The following PTPN23 variants were observed in gnomAD, a reference collection of about 807,000 sequenced individuals.
PTPN23 encodes the protein tyrosine-protein phosphatase non-receptor type 23.
A neutral mutation model predicts 156.3 loss-of-function variants in PTPN23; 72 were observed. The observed-to-expected ratio is 0.46, with a 90% CI of 0.38 to 0.56. The LOEUF (loss-of-function observed/expected upper bound fraction) is 0.56, where lower values mean the gene tolerates loss of function less well. PTPN23 is among the 20% of genes least tolerant of loss of function. The pLI is 0.00. For missense variants in PTPN23, 1,974 were observed against 2,171.5 expected (o/e 0.91, Z 1.81); for synonymous variants, 957 against 899.6 (o/e 1.06, Z -1.14).
Position 47,412,764 on chromosome 3 carries a change from C to T in PTPN23, c.4490C>T (p.Ser1497Phe). 1 of 1,611,850 alleles carries T rather than the reference C, an allele frequency of 6.2e-7. No homozygotes were observed. Among genetic ancestry groups the T allele is most frequent in the Non-Finnish European group, 8.5e-7 (1 of 1,178,882 alleles). The change falls in exon 25 of 25, where the codon TCC becomes TTC. Residue 1497 changes from serine to phenylalanine, a missense_variant. Around this residue, in one of 4 missense-constraint regions of PTPN23, gnomAD observed 484 missense variants for 516.0 expected, o/e 0.94. Transcript: ENST00000265562. ...LVLGGDVPIS[S>F]IQATIAKLSI... ...CTCGGTGGGGATGTGCCCATCAGCT[C>T]CATCCAGGCCACCATTGCCAAGCTC...
At position 47,406,019 on chromosome 3, in the gene PTPN23, C is replaced by T. The variant is rs755033666; in HGVS notation, c.519C>T (p.Ile173=). 2 of 1,613,396 alleles carry T rather than the reference C, an allele frequency of 1.2e-6. No individual in the cohort carries two copies. The highest frequency in any genetic ancestry group is 2.2e-5 in the South Asian group (2 of 90,982). ...ACAGCGTCGACATGAGCCGCCAGAT[C>T]CTTACGCTCAACGTCAACCTCATGC... ...QAYSVDMSRQ[I]LTLNVNLMLG... is the part of the protein sequence containing the mutation. The change falls in exon 6 of 25, where the codon ATC becomes ATT. Residue 173 remains isoleucine (I), a synonymous_variant. Coordinates refer to ENST00000265562, the MANE Select transcript of PTPN23 (RefSeq NM_015466.4). This position sits in a 1 kb window ranked among gnomAD's most constrained non-coding sequence, Gnocchi z 5.8.
At position 47,404,638 on chromosome 3, in the gene PTPN23, A is replaced by T. The variant is rs770729544; in HGVS notation, c.160-14A>T. ...ATATGACAACAGGCCTGCTTCTCCC[A>T]TCCTGCCCCCCAGAATGCTGTCCGT... On this transcript the variant is annotated splice_polypyrimidine_tract_variant and intron_variant, in intron 2 of 24. Transcript: ENST00000265562. 1.9e-6 allele frequency: 3 copies of T among 1,612,868 alleles called. No homozygotes were observed. The highest frequency in any genetic ancestry group is 1.7e-5 in the Admixed American group (1 of 59,982).
chr3:47,413,257 G>A lies in PTPN23; in HGVS notation c.*72G>A. 6.5e-7 allele frequency: 1 copy of A among 1,528,812 alleles called. No homozygotes were observed. The highest frequency in any genetic ancestry group is 8.8e-7 in the Non-Finnish European group (1 of 1,130,026). 94.7% of individuals were successfully genotyped at this position (1,528,812 alleles called of 1,614,324 possible). A position where few individuals can be genotyped will look rare whatever the true frequency, so the allele number is the denominator to read the frequency against. On this transcript the variant is annotated 3_prime_UTR_variant, in exon 25 of 25. Transcript: ENST00000265562. ...TGCCCACCTGCCCACACCCAGCAGA[G>A]CTTCTCAGTGGGCACAGTCTCTTAC...
chr3:47,381,959 G>C (rs948184585), intron 1 of PTPN23, among the ~76,000 whole-genome samples: 1 of 152,142 alleles, frequency 6.6e-6, no homozygotes, highest in Non-Finnish European at 1.5e-5. Flanking sequence ...GACATCCGCT[G>C]TATTGGTAGC....
intron 14 of PTPN23, 116 bp downstream of exon 14, chr3:47,408,071 C>A: frequency 7.7e-7 from 1 of 1,302,874 alleles, no homozygotes; most frequent in Non-Finnish European, 1.1e-6. Flanking sequence ...AACAGGTTTC[C>A]CAATGCTGCC....
At chr3:47,402,989 A>T (rs1279761246) in intron 2 of PTPN23, among the ~76,000 whole-genome samples, 1 of 151,636 alleles carries the variant, frequency 6.6e-6, no homozygotes, top group East Asian at 1.9e-4. Flanking sequence ...TATGGGCGTG[A>T]GCCACCTTGC....
At position 47,388,400 on chromosome 3, in the gene PTPN23, C is replaced by G. The variant is rs149663118; in HGVS notation, c.84+7220C>G. On this transcript the variant is annotated intron_variant, in intron 1 of 24. Coordinates refer to ENST00000265562, the MANE Select transcript of PTPN23 (RefSeq NM_015466.4). ...GCTTATTTTTTTTTAGAGATAAGGT[C>G]TCACTGTGTTGCGCAGGCTGGTCTC... Among the ~76,000 whole-genome samples the G allele has an allele frequency of 1.3e-4, 20 of 152,028 alleles. No homozygotes were observed. In the East Asian group the frequency reaches 3.7e-3, roughly 28 times the overall value.
chr3:47,396,556 T>C (rs1050030892), intron 2 of PTPN23, among the ~76,000 whole-genome samples: 3 of 151,602 alleles, frequency 2.0e-5, no homozygotes, highest in South Asian at 2.1e-4. Flanking sequence ...GCCTGGGTGA[T>C]AGAGCGAGAC....
chr3:47,408,499 G>C lies in PTPN23; in HGVS notation c.1330+9G>C. ...TGTACAGTCCATGCAAGGTGAGTAA[G>C]GGGCAGAGCAAGCAGGTGGAAGGGA... On this transcript the variant is annotated intron_variant, in intron 15 of 24. Transcript: ENST00000265562. 1 of 1,605,476 alleles carries C rather than the reference G, an allele frequency of 6.2e-7. No individual in the cohort carries two copies. The highest frequency in any genetic ancestry group is 1.3e-5 in the African/African-American group (1 of 74,842).
intron 18 of PTPN23, 29 bp downstream of exon 18, chr3:47,409,597 G>A (rs778311312): frequency 3.7e-6 from 6 of 1,611,824 alleles, no homozygotes; most frequent in East Asian, 2.2e-5. Flanking sequence ...GCTCTTTCCC[G>A]GAGCCACCTG....
intron 1 of PTPN23, among the ~76,000 whole-genome samples, chr3:47,383,310 G>A (rs576204436): frequency 6.6e-6 from 1 of 152,252 alleles, no homozygotes; most frequent in South Asian, 2.1e-4. Context: ...TTCAATCTCC[G>A]TGAATTCCAT....
At position 47,413,411 on chromosome 3, in the gene PTPN23, A is replaced by AAAT. The variant is rs906494221; in HGVS notation, c.*232_*234dup. 11 of 602,842 alleles carry AAAT rather than the reference A, an allele frequency of 1.8e-5. No homozygotes were observed. Among genetic ancestry groups the AAAT allele is most frequent in the African/African-American group, 9.2e-5 (5 of 54,152 alleles). The allele number at this position is 602,842 out of a possible 1,614,324, so 37.3% of individuals were successfully genotyped here. Reference sequence around the variant, plus strand: ...GACATTTTTCAGCTCTTTGCTATTGAAATAATAAACCACCCTGTTCTGTGG... The same window carrying AAAT: ...GACATTTTTCAGCTCTTTGCTATTGAAATAATAATAAACCACCCTGTTCTGTGG... On this transcript the variant is annotated 3_prime_UTR_variant, in exon 25 of 25. Coordinates refer to ENST00000265562, the MANE Select transcript of PTPN23 (RefSeq NM_015466.4).
chr3:47,381,955 C>T (rs909659402), intron 1 of PTPN23, among the ~76,000 whole-genome samples: 5 of 152,016 alleles, frequency 3.3e-5, no homozygotes, highest in Admixed American at 2.0e-4. Flanking sequence ...CCGAGACATC[C>T]GCTGTATTGG....
rs1576231235 is a variant in PTPN23 at position 47,410,844 on chromosome 3, A to G, written c.3046A>G (p.Thr1016Ala). 6.8e-7 allele frequency: 1 copy of G among 1,466,554 alleles called. No homozygotes were observed. Among genetic ancestry groups the G allele is most frequent in the Admixed American group, 2.0e-5 (1 of 50,590 alleles). 90.8% of individuals were successfully genotyped at this position (1,466,554 alleles called of 1,614,324 possible). A position where few individuals can be genotyped will look rare whatever the true frequency, so the allele number is the denominator to read the frequency against. ...VLGQPPPPLH[T>A]QLYPGPAQDP... ...GGGGCAGCCGCCACCCCCCCTACACACCCAGCTCTACCCAGGTCCCGCTCA... is the reference window on the plus strand; with the variant it reads ...GGGGCAGCCGCCACCCCCCCTACACGCCCAGCTCTACCCAGGTCCCGCTCA... Residue 1016 changes from threonine to alanine, a missense_variant, in exon 20 of 25, where the codon ACC becomes GCC. Transcript: ENST00000265562.
chr3:47,389,209 A>G (rs1704717611), intron 1 of PTPN23, among the ~76,000 whole-genome samples: 2 of 152,150 alleles, frequency 1.3e-5, no homozygotes. Context: ...TGTAAACAAT[A>G]TTTTCACCTG....
chr3:47,405,439 A>G lies in PTPN23; in HGVS notation c.365-310A>G. The G allele has an allele frequency of 5.6e-6, 3 of 534,108 alleles. No individual in the cohort carries two copies. The highest frequency in any genetic ancestry group is 2.2e-5 in the South Asian group (1 of 45,464). The allele number at this position is 534,108 out of a possible 1,614,324, so 33.1% of individuals were successfully genotyped here. On this transcript the variant is annotated intron_variant, in intron 4 of 24. Coordinates refer to ENST00000265562, the MANE Select transcript of PTPN23 (RefSeq NM_015466.4). This position sits in a 1 kb window ranked among gnomAD's most constrained non-coding sequence, Gnocchi z 4.7. ...CTGGCCTCAGCTTACCCTGCTAGTC[A>G]GCCTTAGCCTGGCTCAAGGGAGAAG...
chr3:47,403,538 T>A lies in PTPN23; in HGVS notation c.160-1114T>A, dbSNP rs188455219. Among the ~76,000 whole-genome samples the A allele has an allele frequency of 5.9e-5, 9 of 152,206 alleles. No homozygotes were observed. The East Asian group carries it at 1.7e-3, about 29-fold the overall frequency. ...GTGGGTATCCAGTTTTACCTTTTGC[T>A]TTTTTTGAGAGACAGGGTCTTGCTT... On this transcript the variant is annotated intron_variant, in intron 2 of 24. Transcript: ENST00000265562.
In PTPN23 at chr3:47,405,906, C is replaced by G; in HGVS notation, c.415-9C>G. 1 of 1,613,042 alleles carries G rather than the reference C, an allele frequency of 6.2e-7. No homozygotes were observed. The highest frequency in any genetic ancestry group is 8.5e-7 in the Non-Finnish European group (1 of 1,179,472). The stretch of plus-strand genomic sequence containing the variant: ...AGTGGACACAGGCCATCCTCCCACT[C>G]CCTCCCAGGGCATGAAGGTCTCCTG... On this transcript the variant is annotated splice_polypyrimidine_tract_variant and intron_variant, in intron 5 of 24. Coordinates refer to ENST00000265562, the MANE Select transcript of PTPN23 (RefSeq NM_015466.4). This position sits in a 1 kb window ranked among gnomAD's most constrained non-coding sequence, Gnocchi z 4.7.
At position 47,412,339 on chromosome 3, in the gene PTPN23, T is replaced by A; in HGVS notation, c.4235T>A (p.Val1412Glu). 6.2e-7 allele frequency: 1 copy of A among 1,613,132 alleles called. No homozygotes were observed. The highest frequency in any genetic ancestry group is 8.5e-7 in the Non-Finnish European group (1 of 1,179,996). ...FALLYAAVQE[V>E]EAGNGIPELP... ...CTGCTCTATGCAGCTGTGCAGGAGG[T>A]GGAGGCTGGGAACGGAATCCCTGAG... is the stretch of plus-strand genomic sequence containing the variant. The change falls in exon 23 of 25, where the codon GTG (valine) becomes GAG (glutamate). Residue 1412 changes from valine (V) to glutamate (E), a missense_variant. Transcript: ENST00000265562.
Sources: allele counts gnomAD v4.1 joint callset (sites outside exome capture counted in the v4.1 genomes callset), GRCh38; gene constraint gnomAD v4.1.1; regional missense constraint gnomAD v4.1.1; non-coding constraint Gnocchi (gnomAD v3.1); transcripts MANE v1.5; gene names NCBI Gene and HGNC (gene_info 2026-07-23, HGNC 2026-07-21).